FMN2: variants seen among roughly 807,000 people sequenced by gnomAD.
FMN2 encodes the protein formin 2.
A neutral mutation model predicts 142.3 loss-of-function variants in FMN2; 51 were observed. That is an observed-to-expected ratio of 0.36 (90% CI 0.29 to 0.45). FMN2 has a LOEUF of 0.45. Ranked by LOEUF, FMN2 falls within the 20% of genes least tolerant of loss-of-function variation. FMN2 has a pLI of 1.00. For missense variants in FMN2, 1,936 were observed against 2,122.8 expected (o/e 0.91, Z 1.73); for synonymous variants, 882 against 869.8 (o/e 1.01, Z -0.25).
intron 7 of FMN2, among the ~76,000 whole-genome samples, chr1:240,280,450 T>TA (rs1369660350): frequency 5.9e-5 from 9 of 152,184 alleles, no homozygotes; most frequent in Admixed American, 1.3e-4. Flanking sequence ...GCAATATATA[T>TA]GCTTACATTC....
chr1:240,205,951 AGTG>A (rs1666337627), intron 4 of FMN2, among the ~76,000 whole-genome samples: 1 of 141,564 alleles, frequency 7.1e-6, no homozygotes, highest in Non-Finnish European at 1.5e-5. Context: ...GCGGGAGTGC[AGTG>A]CAGTGGCCTG....
At chr1:240,323,512 T>TC (rs1487847411) in intron 8 of FMN2, among the ~76,000 whole-genome samples, 1 of 152,106 alleles carries the variant, frequency 6.6e-6, no homozygotes, top group Non-Finnish European at 1.5e-5. Context: ...TTGACCTTTT[T>TC]CACTCTGTGT....
At chr1:240,385,321 G>T (rs146257989) in intron 14 of FMN2, among the ~76,000 whole-genome samples, 95 of 152,234 alleles carry the variant, frequency 6.2e-4, no homozygotes, top group Non-Finnish European at 1.1e-3. Flanking sequence ...CGTTTTATCC[G>T]AAGGATTTTT....
At chr1:240,146,236 T>C (rs1291262219) in intron 2 of FMN2, among the ~76,000 whole-genome samples, 1 of 111,756 alleles carries the variant, frequency 8.9e-6, no homozygotes, top group Non-Finnish European at 1.9e-5. Flanking sequence ...AAAAAAAAAA[T>C]ACAAAAAATT....
chr1:240,324,898 G>A (rs1237737476), intron 8 of FMN2, among the ~76,000 whole-genome samples: 1 of 152,048 alleles, frequency 6.6e-6, no homozygotes, highest in African/African-American at 2.4e-5. Flanking sequence ...TTGTTGGGGT[G>A]TTTACAAACT....
rs192570444 is a variant in FMN2, at chr1:240,127,222, C to T, written c.1782+3877C>T. ...CACTGCATCCTCCGCCTCCTGGGTTCAAGCAATTTCTAGCTAATTTTTGTA... is the reference window on the plus strand; with the variant it reads ...CACTGCATCCTCCGCCTCCTGGGTTTAAGCAATTTCTAGCTAATTTTTGTA... On this transcript the variant is annotated intron_variant, in intron 2 of 17. Coordinates refer to ENST00000319653, the MANE Select transcript of FMN2 (RefSeq NM_020066.5). Among the ~76,000 whole-genome samples, 716 of 151,214 alleles carry T rather than the reference C, an allele frequency of 4.7e-3. 4 individuals carry two copies. The highest frequency in any genetic ancestry group is 7.5e-3 in the Non-Finnish European group (506 of 67,892).
chr1:240,145,237 A>G, intron 2 of FMN2: 1 of 1,476,928 alleles, frequency 6.8e-7, no homozygotes, highest in African/African-American at 1.4e-5. Context: ...TATCTTCCTC[A>G]GACAGCTCCT....
chr1:240,139,568 C>CA lies in FMN2; in HGVS notation c.1782+16230dup, dbSNP rs556124762. The stretch of plus-strand genomic sequence containing the variant: ...AAAGCTACAAAGAGAATGATAAAGA[C>CA]AAAAAAACAAGATATTTTTTAAAAA... On this transcript the variant is annotated intron_variant, in intron 2 of 17. Transcript: ENST00000319653. 9.5e-4 allele frequency among the ~76,000 whole-genome samples: 145 copies of CA among 151,960 alleles called. 2 individuals carry two copies. Among genetic ancestry groups the CA allele is most frequent in the Middle Eastern group, 6.8e-3 (2 of 294 alleles).
chr1:240,194,661 T>G (rs1161532041), intron 4 of FMN2, among the ~76,000 whole-genome samples: 1 of 152,238 alleles, frequency 6.6e-6, no homozygotes, highest in Non-Finnish European at 1.5e-5. Context: ...AGGTGAAGGC[T>G]GAAACAGTAA....
chr1:240,333,987 T>C, intron 12 of FMN2, 41 bp downstream of exon 12: 1 of 1,584,034 alleles, frequency 6.3e-7, no homozygotes, highest in Non-Finnish European at 8.6e-7. Flanking sequence ...CATTATTCTT[T>C]ATTCGTTGGA....
chr1:240,434,793 C>T (rs1161007951), intron 15 of FMN2, among the ~76,000 whole-genome samples: 8 of 148,730 alleles, frequency 5.4e-5, no homozygotes, highest in African/African-American at 1.5e-4. Flanking sequence ...AGGATGGTCT[C>T]GATCTCCTGA....
chr1:240,269,363 G>A (rs2102916983), intron 7 of FMN2, among the ~76,000 whole-genome samples: 1 of 151,974 alleles, frequency 6.6e-6, no homozygotes, highest in Non-Finnish European at 1.5e-5. Context: ...TAGTTAGCTG[G>A]GTTTATTTCT....
At chr1:240,356,928 A>G (rs899714714) in intron 14 of FMN2, among the ~76,000 whole-genome samples, 5 of 152,268 alleles carry the variant, frequency 3.3e-5, no homozygotes, top group African/African-American at 1.2e-4. Context: ...GGTGAAATTC[A>G]TAAATCACGT....
At chr1:240,192,604 T>TGGGTC (rs1307891158) in intron 4 of FMN2, among the ~76,000 whole-genome samples, 1 of 152,136 alleles carries the variant, frequency 6.6e-6, no homozygotes, top group Non-Finnish European at 1.5e-5. Context: ...GAGAGATACT[T>TGGGTC]GGGTCTGAAA....
chr1:240,126,895 G>A (rs576389214), intron 2 of FMN2, among the ~76,000 whole-genome samples: 1 of 152,236 alleles, frequency 6.6e-6, no homozygotes, highest in East Asian at 1.9e-4. Flanking sequence ...AGGAACACAG[G>A]ACCAACAGGA....
chr1:240,128,094 A>G lies in FMN2; in HGVS notation c.1782+4749A>G, dbSNP rs936566989. Among the ~76,000 whole-genome samples, 5 of 152,312 alleles carry G rather than the reference A, an allele frequency of 3.3e-5. No individual in the cohort carries two copies. In the South Asian group the frequency reaches 6.2e-4, roughly 19 times the overall value. On this transcript the variant is annotated intron_variant, in intron 2 of 17. Transcript: ENST00000319653. The stretch of plus-strand genomic sequence containing the variant: ...CAGCTGCATTTTGGGAGGAGGATAT[A>G]AGGATAGAACTGCTAGCAAGAGAAA...
At chr1:240,413,421 T>C (rs1360624053) in intron 15 of FMN2, among the ~76,000 whole-genome samples, 1 of 152,080 alleles carries the variant, frequency 6.6e-6, no homozygotes, top group African/African-American at 2.4e-5. Context: ...AGAATTATTT[T>C]AGTGGCTAGT....
intron 15 of FMN2, among the ~76,000 whole-genome samples, chr1:240,421,480 C>T (rs932201529): frequency 6.6e-6 from 1 of 151,952 alleles, no homozygotes; most frequent in Admixed American, 6.6e-5. Context: ...GATGGGAGAT[C>T]GGATGTCTAT....
intron 4 of FMN2, among the ~76,000 whole-genome samples, chr1:240,188,500 A>G (rs1337080176): frequency 1.3e-5 from 2 of 152,184 alleles, no homozygotes; most frequent in African/African-American, 2.4e-5. Flanking sequence ...GTTTTATTCT[A>G]TATCCAGCCA....
Sources: gnomAD v4.1 joint callset for allele counts (sites outside exome capture counted in the v4.1 genomes callset) on GRCh38, gnomAD v4.1.1 for gene constraint, MANE v1.5 for transcripts, NCBI Gene and HGNC (gene_info 2026-07-23, HGNC 2026-07-21) for gene names.